The following SACM1L variants were observed in gnomAD, a reference collection of about 807,000 sequenced individuals.
The protein encoded by SACM1L is phosphatidylinositol-3-phosphatase SAC1.
A neutral mutation model predicts 89.5 loss-of-function variants in SACM1L; 32 were observed. The observed-to-expected ratio is 0.36, with a 90% CI of 0.27 to 0.48. The LOEUF is 0.48. Among genes scored for constraint, SACM1L ranks in the 20% least tolerant of loss-of-function variants. The pLI is 0.99. For missense variants in SACM1L, 543 were observed against 708.5 expected (o/e 0.77, Z 2.65); for synonymous variants, 213 against 232.8 (o/e 0.92, Z 0.77).
At chr3:45,701,024 C>T (rs1005935421) in intron 1 of SACM1L, among the ~76,000 whole-genome samples, 1 of 152,204 alleles carries the variant, frequency 6.6e-6, no homozygotes, top group African/African-American at 2.4e-5. Flanking sequence ...GGAATGAAAT[C>T]CTTTCCTCAA....
intron 1 of SACM1L, among the ~76,000 whole-genome samples, chr3:45,697,859 G>A (rs555215393): frequency 2.0e-5 from 3 of 152,196 alleles, no homozygotes; most frequent in Admixed American, 6.5e-5. Flanking sequence ...ACCCTTTTTA[G>A]TATACAGTAT....
intron 3 of SACM1L, 77 bp from the exon 4 acceptor site, chr3:45,706,703 T>C: frequency 7.8e-7 from 1 of 1,289,266 alleles, no homozygotes; most frequent in Non-Finnish European, 1.1e-6. Context: ...CCTTTAAAGT[T>C]AAACAATAAG....
chr3:45,723,087 G>A (rs777866110), intron 10 of SACM1L, 132 bp downstream of exon 10: 67 of 775,302 alleles, frequency 8.6e-5, no homozygotes, highest in African/African-American at 1.2e-4. Context: ...TCTTGGTTCC[G>A]GCACATAGTA....
chr3:45,691,914 C>T (rs1253494054), intron 1 of SACM1L, among the ~76,000 whole-genome samples: 1 of 152,202 alleles, frequency 6.6e-6, no homozygotes, highest in African/African-American at 2.4e-5. Flanking sequence ...TTTCCAGTTC[C>T]ATCTTACTGA....
chr3:45,739,709 G>A (rs1699276028), intron 19 of SACM1L, 65 bp downstream of exon 19: 1 of 1,452,574 alleles, frequency 6.9e-7, no homozygotes, highest in South Asian at 1.1e-5. Flanking sequence ...AACATCTTAA[G>A]TTTTTGAGTT....
intron 9 of SACM1L, among the ~76,000 whole-genome samples, chr3:45,722,307 A>G (rs1289979685): frequency 1.3e-5 from 2 of 152,062 alleles, no homozygotes; most frequent in Non-Finnish European, 2.9e-5. Context: ...AGGAGAGGGT[A>G]GGCTAGGAGG....
intron 1 of SACM1L, among the ~76,000 whole-genome samples, chr3:45,699,872 G>A (rs1419263369): frequency 6.6e-6 from 1 of 151,924 alleles, no homozygotes. Flanking sequence ...TTCTGTGTGT[G>A]CGTTTGACTT....
At chr3:45,690,578 G>A (rs1320147485) in intron 1 of SACM1L, among the ~76,000 whole-genome samples, 2 of 152,198 alleles carry the variant, frequency 1.3e-5, no homozygotes, top group South Asian at 2.1e-4. Context: ...GAAAGTTAGA[G>A]GTGCAAAATT....
At chr3:45,724,602 T>C (rs1323897637) in intron 11 of SACM1L, among the ~76,000 whole-genome samples, 1 of 152,172 alleles carries the variant, frequency 6.6e-6, no homozygotes, top group Admixed American at 6.5e-5. Context: ...GTTGATTTTT[T>C]ACTCTTGACA....
chr3:45,715,773 C>CAA (rs35433679), intron 7 of SACM1L, among the ~76,000 whole-genome samples: 33 of 132,472 alleles, frequency 2.5e-4, no homozygotes, highest in Admixed American at 1.2e-3. Flanking sequence ...GACTCCATCT[C>CAA]AAAAAAAAAA....
Position 45,706,878 on chromosome 3 carries a change from A to G in SACM1L, c.304A>G (p.Lys102Glu). The change falls in exon 4 of 20, where the codon AAG becomes GAG. Residue 102 changes from lysine (K) to glutamate (E), a missense_variant. By Grantham distance (56) the Lys-to-Glu change is moderately conservative. Coordinates refer to ENST00000389061, the MANE Select transcript of SACM1L (RefSeq NM_014016.5). Reference sequence around the variant, plus strand: ...AGATTTTGATGTCCTTTCTTATAAGAAGACAATGTTGCACTTAACTGATAT... The same window carrying G: ...AGATTTTGATGTCCTTTCTTATAAGGAGACAATGTTGCACTTAACTGATAT... ...ATDFDVLSYKKTMLHLTDIQL... is the reference protein window; with the variant it reads ...ATDFDVLSYKETMLHLTDIQL... The G allele has an allele frequency of 6.2e-7, 1 of 1,613,430 alleles. No individual in the cohort carries two copies. The highest frequency in any genetic ancestry group is 8.5e-7 in the Non-Finnish European group (1 of 1,179,610).
At chr3:45,720,893 A>G (rs1698774008) in intron 8 of SACM1L, among the ~76,000 whole-genome samples, 1 of 152,244 alleles carries the variant, frequency 6.6e-6, no homozygotes, top group Non-Finnish European at 1.5e-5. Flanking sequence ...AAAGGATGTT[A>G]GGAAATACTT....
intron 10 of SACM1L, 28 bp downstream of exon 10, chr3:45,722,983 G>T: frequency 6.5e-7 from 1 of 1,533,738 alleles, no homozygotes; most frequent in Non-Finnish European, 9.0e-7. Context: ...CTTTTTTGTT[G>T]GTTAAAAATA....
intron 1 of SACM1L, among the ~76,000 whole-genome samples, chr3:45,691,340 A>G (rs1697982395): frequency 6.6e-6 from 1 of 152,042 alleles, no homozygotes; most frequent in Non-Finnish European, 1.5e-5. Flanking sequence ...TTCCATTTTT[A>G]TTCCTTCCTT....
At chr3:45,702,545 A>G (rs991340353) in intron 1 of SACM1L, among the ~76,000 whole-genome samples, 1 of 152,200 alleles carries the variant, frequency 6.6e-6, no homozygotes, top group East Asian at 1.9e-4. Context: ...TCCTGTGCCT[A>G]CCTTAAAACA....
At chr3:45,720,348 G>A (rs1011400614) in intron 8 of SACM1L, among the ~76,000 whole-genome samples, 6 of 152,024 alleles carry the variant, frequency 3.9e-5, no homozygotes, top group East Asian at 1.9e-4. Context: ...TTTTGAACAG[G>A]TAGTGCATTT....
At chr3:45,720,236 A>G (rs1698757261) in intron 8 of SACM1L, among the ~76,000 whole-genome samples, 1 of 152,188 alleles carries the variant, frequency 6.6e-6, no homozygotes, top group Non-Finnish European at 1.5e-5. Flanking sequence ...AGGAAGAATA[A>G]CATTGAGTGA....
At chr3:45,696,749 G>C (rs1246889161) in intron 1 of SACM1L, among the ~76,000 whole-genome samples, 1 of 151,800 alleles carries the variant, frequency 6.6e-6, no homozygotes, top group Non-Finnish European at 1.5e-5. Flanking sequence ...TGATTTGACA[G>C]GATTTTAAAG....
rs1187531726 is a variant in SACM1L, at chr3:45,724,494, GGTT to G, written c.921+955_921+957del. On this transcript the variant is annotated intron_variant, in intron 11 of 19. Transcript: ENST00000389061. ...TAAATCCTTTCGCTATTTTTAATCA[GGTT>G]GTTTTTTGTTTGAGTTGTAGTCATT... Among the ~76,000 whole-genome samples the G allele has an allele frequency of 3.3e-5, 5 of 152,174 alleles. No homozygotes were observed. In the East Asian group the frequency reaches 5.8e-4, roughly 18 times the overall value.
Sources: gnomAD v4.1 joint callset for allele counts (sites outside exome capture counted in the v4.1 genomes callset) on GRCh38, gnomAD v4.1.1 for gene constraint, MANE v1.5 for transcripts, NCBI Gene and HGNC (gene_info 2026-07-23, HGNC 2026-07-21) for gene names.